SHANK2: variants seen among roughly 807,000 people sequenced by gnomAD.
SHANK2 encodes SH3 and multiple ankyrin repeat domains 2, also known as SH3 and multiple ankyrin repeat domains protein 2.
A neutral mutation model predicts 133.7 loss-of-function variants in SHANK2; 43 were observed. The observed-to-expected ratio is 0.32, with a 90% CI of 0.25 to 0.41. SHANK2 has a LOEUF of 0.41. Ranked by LOEUF, SHANK2 falls within the 10% of genes least tolerant of loss-of-function variation. The probability of loss-of-function intolerance (pLI) is 1.00; values close to 1 mark genes in which losing one functional copy is unlikely to be tolerated. For missense variants in SHANK2, 1,994 were observed against 2,235.8 expected (o/e 0.89, Z 2.18); for synonymous variants, 1,017 against 952.8 (o/e 1.07, Z -1.24).
intron 10 of SHANK2, among the ~76,000 whole-genome samples, chr11:71,055,865 A>G (rs1950912011): frequency 6.6e-6 from 1 of 150,422 alleles, no homozygotes; most frequent in Admixed American, 6.6e-5. Context: ...CTAAGTTCTT[A>G]GCTAGACAAT....
intron 17 of SHANK2, among the ~76,000 whole-genome samples, chr11:70,599,589 C>T (rs2060449936): frequency 2.6e-5 from 2 of 76,388 alleles, no homozygotes; most frequent in African/African-American, 9.6e-5. Context: ...GCCTGGGCGA[C>T]AGCGAGACTC....
rs2058794008 is a variant in SHANK2 at position 70,485,802 on chromosome 11, C to G, written c.4491G>C (p.Arg1497=). ...ADSGIEEVDS[R]SSSDHHLETT... is the part of the protein sequence containing the mutation. ...TCTCGAGGTGGTGGTCGCTGCTACTCCGGCTGTCCACCTCCTCGATCCCAG... is the reference window on the plus strand; with the variant it reads ...TCTCGAGGTGGTGGTCGCTGCTACTGCGGCTGTCCACCTCCTCGATCCCAG... The change falls in exon 25 of 26, where the codon CGG becomes CGC. Residue 1497 remains arginine, a synonymous_variant. Transcript: ENST00000601538. This position sits in a 1 kb window ranked among gnomAD's most constrained non-coding sequence, Gnocchi z 5.8. The G allele has an allele frequency of 1.2e-6, 2 of 1,613,784 alleles. No individual in the cohort carries two copies. Among genetic ancestry groups the G allele is most frequent in the Admixed American group, 3.3e-5 (2 of 59,994 alleles).
intron 8 of SHANK2, among the ~76,000 whole-genome samples, chr11:71,085,664 A>ATATATATAATATAATATATAACATAT (rs1590894345): frequency 0.18 from 2,738 of 14,956 alleles, 93 homozygotes; most frequent in Admixed American, 0.32. Flanking sequence ...ATATTATATT[A>ATATATATAATATAATATATAACATAT]TATATGTTAT....
chr11:70,904,942 G>A (rs1359153685), intron 10 of SHANK2, among the ~76,000 whole-genome samples: 1 of 152,180 alleles, frequency 6.6e-6, no homozygotes, highest in African/African-American at 2.4e-5. Flanking sequence ...AGAACTGTAA[G>A]TCCATTAAAC....
intron 3 of SHANK2, among the ~76,000 whole-genome samples, chr11:71,133,406 A>AGGGG (rs1952367160): frequency 1.2e-5 from 1 of 86,440 alleles, no homozygotes; most frequent in African/African-American, 7.0e-5. Context: ...AGATGGAGGG[A>AGGGG]AGGATGGATG....
chr11:71,126,900 G>A (rs1191970100), intron 3 of SHANK2, among the ~76,000 whole-genome samples: 1 of 151,944 alleles, frequency 6.6e-6, no homozygotes, highest in African/African-American at 2.4e-5. Context: ...GTAGAGACAG[G>A]GTTTCACCGT....
intron 10 of SHANK2, among the ~76,000 whole-genome samples, chr11:70,900,523 G>C (rs541881116): frequency 6.6e-6 from 1 of 152,224 alleles, no homozygotes; most frequent in Admixed American, 6.5e-5. Flanking sequence ...CACACACCTA[G>C]GACAGCTGCT....
chr11:70,650,553 A>C (rs2061327751), intron 17 of SHANK2, among the ~76,000 whole-genome samples: 1 of 152,202 alleles, frequency 6.6e-6, no homozygotes, highest in Non-Finnish European at 1.5e-5. Flanking sequence ...TGCTCTGTGC[A>C]GCTGTACAGC....
intron 4 of SHANK2, among the ~76,000 whole-genome samples, chr11:71,113,958 A>G (rs1022725212): frequency 4.6e-5 from 7 of 152,210 alleles, no homozygotes; most frequent in Non-Finnish European, 1.0e-4. Flanking sequence ...TGCACGGAGT[A>G]AGCAACATTG....
chr11:70,953,797 C>T (rs1293255442), intron 10 of SHANK2, among the ~76,000 whole-genome samples: 7 of 152,306 alleles, frequency 4.6e-5, no homozygotes, highest in African/African-American at 1.4e-4. Context: ...TGCGGGCATC[C>T]CTCAATCAAG....
chr11:70,665,890 C>G (rs181953519), intron 15 of SHANK2, among the ~76,000 whole-genome samples: 1 of 152,250 alleles, frequency 6.6e-6, no homozygotes, highest in East Asian at 1.9e-4. Flanking sequence ...GAAAATGTCC[C>G]CTCTGAGCTT....
At chr11:71,106,633 G>A (rs1426284140) in intron 6 of SHANK2, among the ~76,000 whole-genome samples, 1 of 152,186 alleles carries the variant, frequency 6.6e-6, no homozygotes, top group African/African-American at 2.4e-5. Flanking sequence ...TGGACCTTCT[G>A]CTTTGGTACC....
intron 2 of SHANK2, among the ~76,000 whole-genome samples, chr11:71,155,392 CCCCCGCCCACG>C (rs1952887859): frequency 6.9e-6 from 1 of 144,462 alleles, no homozygotes; most frequent in African/African-American, 2.6e-5. Flanking sequence ...GGTGGACCTA[CCCCCGCCCACG>C]CTCCCAGAAG....
chr11:70,580,772 C>T (rs1001808799), intron 17 of SHANK2, among the ~76,000 whole-genome samples: 2 of 152,238 alleles, frequency 1.3e-5, no homozygotes, highest in Non-Finnish European at 2.9e-5. Context: ...CAGCAGGCCA[C>T]GGGCCACATC....
chr11:71,076,305 G>T (rs1231226446), intron 8 of SHANK2, among the ~76,000 whole-genome samples: 1 of 151,950 alleles, frequency 6.6e-6, no homozygotes, highest in Non-Finnish European at 1.5e-5. Context: ...GGTGTTGAGA[G>T]CAGTAGGCGC....
intron 17 of SHANK2, among the ~76,000 whole-genome samples, chr11:70,509,120 G>C (rs1355685443): frequency 2.6e-5 from 4 of 152,240 alleles, no homozygotes; most frequent in Non-Finnish European, 4.4e-5. Context: ...GTCCCTGTCT[G>C]GTTGAAGCTG....
chr11:70,509,069 C>T lies in SHANK2; in HGVS notation c.2062-6138G>A, dbSNP rs186240867. On this transcript the variant is annotated intron_variant, in intron 17 of 25. Transcript: ENST00000601538. The stretch of plus-strand genomic sequence containing the variant: ...CCTTAGAGGGAACCCATGCTACTGC[C>T]ACCTTGATCTCAAACTTCTTGTCTC... Among the ~76,000 whole-genome samples, 29 of 152,344 alleles carry T rather than the reference C, an allele frequency of 1.9e-4. No individual in the cohort carries two copies. The East Asian group carries it at 5.6e-3, about 29-fold the overall frequency.
intron 9 of SHANK2, among the ~76,000 whole-genome samples, chr11:71,064,328 G>A (rs1445269532): frequency 6.6e-6 from 1 of 152,212 alleles, no homozygotes; most frequent in Non-Finnish European, 1.5e-5. Context: ...GGGATGGGAG[G>A]AGAGAGAGCC....
intron 10 of SHANK2, chr11:70,908,072 C>A (rs112562680): frequency 4.4e-5 from 12 of 274,794 alleles, no homozygotes; most frequent in Non-Finnish European, 7.4e-5. Flanking sequence ...TTGCACTCTG[C>A]GCAACAGAGT....
Sources: gnomAD v4.1 joint callset for allele counts (sites outside exome capture counted in the v4.1 genomes callset) on GRCh38, gnomAD v4.1.1 for gene constraint, Gnocchi (gnomAD v3.1) non-coding constraint, MANE v1.5 for transcripts, NCBI Gene and HGNC (gene_info 2026-07-23, HGNC 2026-07-21) for gene names.